Variants in DOCK3 observed in about 807,000 individuals in gnomAD.
DOCK3 encodes the protein dedicator of cytokinesis protein 3.
Under a neutral mutation model 265.6 loss-of-function variants are expected in DOCK3, and 60 were observed. The ratio of observed to expected loss-of-function variants is 0.23; its 90% CI spans 0.18 to 0.28. The LOEUF (loss-of-function observed/expected upper bound fraction) is 0.28, where lower values mean the gene tolerates loss of function less well. Among genes scored for constraint, DOCK3 ranks in the 10% least tolerant of loss-of-function variants. The probability of loss-of-function intolerance (pLI) is 1.00; values close to 1 mark genes in which losing one functional copy is unlikely to be tolerated. For missense variants in DOCK3, 1,981 were observed against 2,594.3 expected, an observed-to-expected ratio of 0.76 and a Z score of 5.14; for synonymous variants, 881 against 938.0, an observed-to-expected ratio of 0.94 and a Z score of 1.11.
chr3:50,695,504 C>T (rs2035556720), intron 1 of DOCK3, among the ~76,000 whole-genome samples: 1 of 152,208 alleles, frequency 6.6e-6, no homozygotes, highest in South Asian at 2.1e-4. Context: ...ATGTAAGAGG[C>T]CTCTAACTGG....
chr3:50,950,032 C>G (rs1216221323), intron 5 of DOCK3, among the ~76,000 whole-genome samples: 1 of 143,434 alleles, frequency 7.0e-6, no homozygotes, highest in Non-Finnish European at 1.5e-5. Context: ...TTAGTCATGT[C>G]TAATCTTGCT....
intron 27 of DOCK3, among the ~76,000 whole-genome samples, chr3:51,295,553 G>A (rs910570352): frequency 2.0e-5 from 3 of 152,054 alleles, no homozygotes; most frequent in African/African-American, 7.2e-5. Context: ...AAAAAAATCC[G>A]CCAACAATTT....
chr3:51,367,685 G>T (rs982339382), intron 49 of DOCK3, among the ~76,000 whole-genome samples: 1 of 152,162 alleles, frequency 6.6e-6, no homozygotes, highest in Non-Finnish European at 1.5e-5. Context: ...AGGTAGGCCT[G>T]GTGGTGACAA....
At chr3:50,741,181 C>T (rs2038999535) in intron 1 of DOCK3, among the ~76,000 whole-genome samples, 1 of 151,686 alleles carries the variant, frequency 6.6e-6, no homozygotes, top group Non-Finnish European at 1.5e-5. Flanking sequence ...TGTTTATCCA[C>T]TAATATACAC....
chr3:51,006,175 C>A (rs2078669101), intron 5 of DOCK3, among the ~76,000 whole-genome samples: 1 of 151,972 alleles, frequency 6.6e-6, no homozygotes, highest in African/African-American at 2.4e-5. Flanking sequence ...GCTCGTGTTA[C>A]AGTCTCAGCC....
intron 31 of DOCK3, among the ~76,000 whole-genome samples, chr3:51,313,859 A>G (rs984519731): frequency 1.3e-5 from 2 of 152,192 alleles, no homozygotes; most frequent in African/African-American, 2.4e-5. Context: ...TTTTAACCCA[A>G]AGTTGACTCT....
chr3:50,849,387 T>C (rs1050348604), intron 3 of DOCK3, among the ~76,000 whole-genome samples: 3 of 150,464 alleles, frequency 2.0e-5, no homozygotes, highest in African/African-American at 7.4e-5. Flanking sequence ...CATACACATA[T>C]ATACACACAC....
intron 2 of DOCK3, among the ~76,000 whole-genome samples, chr3:50,818,351 C>T (rs1194557843): frequency 2.0e-5 from 3 of 152,222 alleles, no homozygotes; most frequent in Admixed American, 6.5e-5. Context: ...TTGTTGACTT[C>T]TCTGCATGTG....
intron 14 of DOCK3, among the ~76,000 whole-genome samples, chr3:51,214,726 C>A (rs2089687828): frequency 6.6e-6 from 1 of 152,260 alleles, no homozygotes; most frequent in African/African-American, 2.4e-5. Flanking sequence ...ATAGATCAGG[C>A]AAATAGTATA....
intron 3 of DOCK3, among the ~76,000 whole-genome samples, chr3:50,858,331 G>A (rs1007216514): frequency 1.3e-5 from 2 of 151,650 alleles, no homozygotes; most frequent in African/African-American, 4.8e-5. Flanking sequence ...TAATGTAAAT[G>A]ACGAGTTGAT....
intron 4 of DOCK3, among the ~76,000 whole-genome samples, chr3:50,925,924 C>T (rs60898829): frequency 0.094 from 14,167 of 150,178 alleles, 830 homozygotes; most frequent in Non-Finnish European, 0.12. Flanking sequence ...CTCTGCCTCC[C>T]GGGTTCAAGT....
At chr3:50,778,114 G>A (rs1020383301) in intron 1 of DOCK3, among the ~76,000 whole-genome samples, 1 of 151,978 alleles carries the variant, frequency 6.6e-6, no homozygotes, top group Non-Finnish European at 1.5e-5. Flanking sequence ...ATTCTTATAT[G>A]AATTTTGGAA....
Position 51,208,756 on chromosome 3 carries a change from C to G in DOCK3, c.1038-18C>G. 6.3e-7 allele frequency: 1 copy of G among 1,595,770 alleles called. No homozygotes were observed. Among genetic ancestry groups the G allele is most frequent in the Non-Finnish European group, 8.5e-7 (1 of 1,170,472 alleles). The stretch of plus-strand genomic sequence containing the variant: ...TTTAAAATACTTGAGTACCATAACA[C>G]CTGTCCTTCTGTTACAGGTGCAACA... On this transcript the variant is annotated intron_variant, in intron 12 of 52. Transcript: ENST00000266037.
chr3:51,347,957 T>G, intron 38 of DOCK3, among the ~76,000 whole-genome samples: 1 of 152,182 alleles, frequency 6.6e-6, no homozygotes, highest in Non-Finnish European at 1.5e-5. Flanking sequence ...TATTGGTGTA[T>G]AGGAATGCTT....
chr3:50,911,214 C>T (rs969812752), intron 4 of DOCK3, among the ~76,000 whole-genome samples: 6 of 151,992 alleles, frequency 3.9e-5, no homozygotes, highest in Admixed American at 2.0e-4. Flanking sequence ...TTTGAGGTCT[C>T]GCTCCAAAAA....
At chr3:51,379,342 T>C in intron 51 of DOCK3, 1 of 963,442 alleles carries the variant, frequency 1.0e-6, no homozygotes, top group Non-Finnish European at 1.2e-6. Context: ...ATGCCCCACA[T>C]GTGTGCTGGA....
At chr3:50,930,470 A>T (rs1053464626) in intron 4 of DOCK3, among the ~76,000 whole-genome samples, 13 of 152,098 alleles carry the variant, frequency 8.5e-5, no homozygotes, top group Admixed American at 6.5e-4. Context: ...TGTGCCCAAA[A>T]CGATGGGGCT....
At chr3:50,819,745 T>G (rs1319837177) in intron 2 of DOCK3, among the ~76,000 whole-genome samples, 2 of 152,144 alleles carry the variant, frequency 1.3e-5, no homozygotes, top group Non-Finnish European at 2.9e-5. Context: ...GTGGATAACT[T>G]GAGGTCAGGA....
In DOCK3 at chr3:51,090,217, T is replaced by C. The variant is rs778629763; in HGVS notation, c.592-13T>C. ...TAAAATAAAAATCACTGGGTTTTTT[T>C]CTTCCTCATTAGGTAGATACAATGC... On this transcript the variant is annotated splice_polypyrimidine_tract_variant and intron_variant, in intron 8 of 52. Coordinates refer to ENST00000266037, the MANE Select transcript of DOCK3 (RefSeq NM_004947.5). 2 of 1,533,642 alleles carry C rather than the reference T, an allele frequency of 1.3e-6. No individual in the cohort carries two copies. The highest frequency in any genetic ancestry group is 2.5e-5 in the South Asian group (2 of 78,784).
Sources: allele counts gnomAD v4.1 joint callset (sites outside exome capture counted in the v4.1 genomes callset), GRCh38; gene constraint gnomAD v4.1.1; transcripts MANE v1.5; gene names NCBI Gene and HGNC (gene_info 2026-07-23, HGNC 2026-07-21).